Variants in QSOX1 observed in about 807,000 individuals in gnomAD.
QSOX1 encodes quiescin sulfhydryl oxidase 1.
QSOX1 carries 40 observed loss-of-function variants against 76.1 expected under a neutral mutation model. The observed-to-expected ratio is 0.53, with a 90% CI of 0.41 to 0.68. The LOEUF is 0.68. Among genes scored for constraint, QSOX1 ranks in the 30% least tolerant of loss-of-function variants. The pLI is 0.00. For synonymous variants in QSOX1, 392 were observed against 413.1 expected (o/e 0.95, Z 0.62); for missense variants, 931 against 974.3 (o/e 0.96, Z 0.59).
chr1:180,170,014 A>G (rs999089585), intron 2 of QSOX1, among the ~76,000 whole-genome samples: 4 of 152,200 alleles, frequency 2.6e-5, no homozygotes, highest in African/African-American at 9.6e-5. Context: ...GGTGAGAGCC[A>G]AGGCCCTCTG....
At position 180,203,993 on chromosome 1, in the gene QSOX1, C is replaced by T. The variant is rs1195524066; in HGVS notation, c.*6956C>T. The T allele has an allele frequency of 2.0e-5, 3 of 152,058 alleles. No homozygotes were observed. In the East Asian group the frequency reaches 5.8e-4, roughly 29 times the overall value. 9.4% of individuals were successfully genotyped at this position (152,058 alleles called of 1,614,324 possible). The stretch of plus-strand genomic sequence containing the variant: ...ACTTCTGTTGTAAATAATAAAAGCA[C>T]TAAATCCCTACTGAAAATAAAGGGC... On this transcript the variant is annotated 3_prime_UTR_variant, in exon 12 of 12. Coordinates refer to ENST00000367602, the MANE Select transcript of QSOX1 (RefSeq NM_002826.5).
chr1:180,180,186 A>G (rs1662994011), intron 5 of QSOX1, among the ~76,000 whole-genome samples: 1 of 152,220 alleles, frequency 6.6e-6, no homozygotes, highest in Admixed American at 6.5e-5. Context: ...CTCCAGCTAC[A>G]AGATAGGAGC....
intron 10 of QSOX1, among the ~76,000 whole-genome samples, chr1:180,193,184 A>G (rs896450172): frequency 6.6e-5 from 10 of 152,182 alleles, no homozygotes; most frequent in Admixed American, 5.9e-4. Context: ...AGTTGGAATG[A>G]TCCCTTATCA....
chr1:180,175,566 T>C (rs1165183910), intron 3 of QSOX1, among the ~76,000 whole-genome samples, 200 bp downstream of exon 3: 1 of 152,108 alleles, frequency 6.6e-6, no homozygotes, highest in Non-Finnish European at 1.5e-5. Flanking sequence ...AAGAAGCCCT[T>C]CAGGTTGGAC....
intron 7 of QSOX1, among the ~76,000 whole-genome samples, chr1:180,184,723 G>C (rs141811139): frequency 3.9e-5 from 6 of 152,320 alleles, no homozygotes; most frequent in Non-Finnish European, 7.3e-5. Flanking sequence ...GTCTGACCAG[G>C]GAGCTCAGAG....
chr1:180,196,869 G>C lies in QSOX1; in HGVS notation c.2076G>C (p.Arg692=). ...GCCAGCTGGAGGCCCGAGCTGGACG[G>C]GGCCGAGGCCAGTGGCTGCAGGTGC... ...PEGQLEARAG[R]GRGQWLQVLG... Residue 692 remains arginine, a synonymous_variant, in exon 12 of 12, where the codon CGG becomes CGC. Coordinates refer to ENST00000367602, the MANE Select transcript of QSOX1 (RefSeq NM_002826.5). This position sits in a 1 kb window ranked among gnomAD's most constrained non-coding sequence, Gnocchi z 4.1. The C allele has an allele frequency of 6.3e-7, 1 of 1,599,392 alleles. No homozygotes were observed. The highest frequency in any genetic ancestry group is 1.1e-5 in the South Asian group (1 of 89,268).
chr1:180,165,063 C>G (rs1662582877), intron 1 of QSOX1, among the ~76,000 whole-genome samples: 1 of 152,188 alleles, frequency 6.6e-6, no homozygotes. Flanking sequence ...CTTTCACTAC[C>G]TAATCTAATA....
At chr1:180,165,205 G>A (rs58324305) in intron 1 of QSOX1, among the ~76,000 whole-genome samples, 2,386 of 152,346 alleles carry the variant, frequency 0.016, 77 homozygotes, top group African/African-American at 0.054. Flanking sequence ...TCAGATATTA[G>A]TGTTCTGTAC....
At chr1:180,189,130 G>C (rs1266782577) in intron 8 of QSOX1, among the ~76,000 whole-genome samples, 3 of 152,202 alleles carry the variant, frequency 2.0e-5, no homozygotes, top group South Asian at 4.1e-4. Context: ...TGGCAAGTCA[G>C]CTCTATCCGA....
chr1:180,170,854 A>G (rs543601453), intron 2 of QSOX1, among the ~76,000 whole-genome samples: 7 of 152,352 alleles, frequency 4.6e-5, no homozygotes, highest in Admixed American at 1.3e-4. Context: ...GATGCCAGAC[A>G]CTGTGGAGCT....
Position 180,198,395 on chromosome 1 carries a change from G to A in QSOX1, c.*1358G>A, listed in dbSNP as rs756871955. Reference sequence around the variant, plus strand: ...AGGGTTGGCCACTCGGTGGGGAGGAGTCAGCCAGGATTAGAGAGCCTGCCC... The same window carrying A: ...AGGGTTGGCCACTCGGTGGGGAGGAATCAGCCAGGATTAGAGAGCCTGCCC... On this transcript the variant is annotated 3_prime_UTR_variant, in exon 12 of 12. Transcript: ENST00000367602. 35 of 456,612 alleles carry A rather than the reference G, an allele frequency of 7.7e-5. No homozygotes were observed. The highest frequency in any genetic ancestry group is 1.3e-4 in the Non-Finnish European group (29 of 226,966). 28.3% of individuals were successfully genotyped at this position (456,612 alleles called of 1,614,324 possible). A position where few individuals can be genotyped will look rare whatever the true frequency, so the allele number is the denominator to read the frequency against.
chr1:180,196,976 A>G lies in QSOX1; in HGVS notation c.2183A>G (p.Tyr728Cys), dbSNP rs896488956. The G allele has an allele frequency of 6.2e-7, 1 of 1,612,094 alleles. No homozygotes were observed. Among genetic ancestry groups the G allele is most frequent in the Non-Finnish European group, 8.5e-7 (1 of 1,178,846 alleles). Residue 728 changes from tyrosine to cysteine, a missense_variant, in exon 12 of 12, where the codon TAC becomes TGC. Physicochemically the swap from Tyr to Cys is radical, Grantham distance 194 (BLOSUM62 -2). Transcript: ENST00000367602. The surrounding 1 kb of genome is among the most constrained non-coding windows in gnomAD (Gnocchi z 4.1). ...SLSFMGLLAM[Y>C]TYFQAKIRAL... ...TCCTTCATGGGCCTGCTGGCCATGT[A>G]CACCTACTTCCAGGCCAAGATAAGG...
At position 180,197,420 on chromosome 1, in the gene QSOX1, G is replaced by GA. The variant is rs776164324; in HGVS notation, c.*384dup. On this transcript the variant is annotated 3_prime_UTR_variant, in exon 12 of 12. Transcript: ENST00000367602. ...TCAACTGGGGCAAGTGAAGCCAGAG[G>GA]AGGGTCCCCCAGCTGGGTGGGCTGG... 3.1e-6 allele frequency: 5 copies of GA among 1,602,704 alleles called. No homozygotes were observed. Among genetic ancestry groups the GA allele is most frequent in the Non-Finnish European group, 4.3e-6 (5 of 1,171,192 alleles).
chr1:180,195,334 C>T (rs536309134), intron 11 of QSOX1, among the ~76,000 whole-genome samples: 2 of 152,254 alleles, frequency 1.3e-5, no homozygotes, highest in Non-Finnish European at 2.9e-5. Flanking sequence ...AGAGCCCCCT[C>T]CACAAGGCCT....
chr1:180,167,791 A>G (rs376795314), intron 2 of QSOX1, among the ~76,000 whole-genome samples: 1 of 152,248 alleles, frequency 6.6e-6, no homozygotes, highest in Non-Finnish European at 1.5e-5. Context: ...CTGCATGTCA[A>G]TCATCCCTTT....
intron 2 of QSOX1, among the ~76,000 whole-genome samples, chr1:180,170,155 G>A (rs1662727623): frequency 6.6e-6 from 1 of 152,186 alleles, no homozygotes; most frequent in African/African-American, 2.4e-5. Flanking sequence ...TTGGAAGCAG[G>A]GACGCCCTGT....
intron 8 of QSOX1, 120 bp from the exon 9 acceptor site, chr1:180,189,432 C>G: frequency 7.0e-6 from 2 of 286,706 alleles, no homozygotes; most frequent in Non-Finnish European, 1.4e-5. Flanking sequence ...ACAACCTCCT[C>G]CCCACTGCCC....
At chr1:180,169,421 G>A (rs564725432) in intron 2 of QSOX1, among the ~76,000 whole-genome samples, 2 of 152,206 alleles carry the variant, frequency 1.3e-5, no homozygotes, top group African/African-American at 4.8e-5. Flanking sequence ...TCAGTGATGT[G>A]GTTTCAAATC....
At chr1:180,195,148 C>T (rs1369728129) in intron 11 of QSOX1, among the ~76,000 whole-genome samples, 2 of 152,156 alleles carry the variant, frequency 1.3e-5, no homozygotes, top group South Asian at 4.1e-4. Flanking sequence ...CCCACCCCGC[C>T]CCTGCCACCA....
Sources: gnomAD v4.1 joint callset for allele counts (sites outside exome capture counted in the v4.1 genomes callset) on GRCh38, gnomAD v4.1.1 for gene constraint, Gnocchi (gnomAD v3.1) non-coding constraint, MANE v1.5 for transcripts, NCBI Gene and HGNC (gene_info 2026-07-23, HGNC 2026-07-21) for gene names.